The following SNX2 variants were observed in gnomAD, a reference collection of about 807,000 sequenced individuals.
The protein encoded by SNX2 is sorting nexin 2.
SNX2 carries 25 observed loss-of-function variants against 69.9 expected under a neutral mutation model. The ratio of observed to expected loss-of-function variants is 0.36; its 90% CI spans 0.26 to 0.50. The LOEUF (loss-of-function observed/expected upper bound fraction) is 0.50. Ranked by LOEUF, SNX2 falls within the 20% of genes least tolerant of loss-of-function variation. The pLI is 0.97. For synonymous variants in SNX2, 229 were observed against 200.4 expected (o/e 1.14, Z -1.20); for missense variants, 551 against 613.3 (o/e 0.90, Z 1.07).
In SNX2 at chr5:122,833,428, C is replaced by G. The variant is rs1024864972; in HGVS notation, c.*3780C>G. ...CAGCCAAATGTTAAAAAGTAAAAAA[C>G]AATTTTAATAATCCAGTAGCTCCAA... On this transcript the variant is annotated 3_prime_UTR_variant, in exon 15 of 15. Coordinates refer to ENST00000379516, the MANE Select transcript of SNX2 (RefSeq NM_003100.4). 6.6e-6 allele frequency: 1 copy of G among 152,044 alleles called. No homozygotes were observed. Among genetic ancestry groups the G allele is most frequent in the Non-Finnish European group, 1.5e-5 (1 of 67,966 alleles). 9.4% of individuals were successfully genotyped at this position (152,044 alleles called of 1,614,324 possible).
chr5:122,816,028 A>G (rs1753894407), intron 8 of SNX2, 57 bp downstream of exon 8: 1 of 909,522 alleles, frequency 1.1e-6, no homozygotes, highest in Admixed American at 2.1e-5. Context: ...TGTCATTGTA[A>G]TGTATATGAC....
chr5:122,820,083 T>C (rs376378485), intron 11 of SNX2, among the ~76,000 whole-genome samples: 1 of 152,224 alleles, frequency 6.6e-6, no homozygotes, highest in Non-Finnish European at 1.5e-5. Flanking sequence ...CTTCATTATA[T>C]ATAGGCAGCT....
intron 1 of SNX2, among the ~76,000 whole-genome samples, chr5:122,776,339 AC>A (rs1432374566): frequency 6.6e-6 from 1 of 151,684 alleles, no homozygotes; most frequent in East Asian, 1.9e-4. Context: ...TCCCACCCAA[AC>A]CCCACCTCCC....
chr5:122,833,416 A>G lies in SNX2; in HGVS notation c.*3768A>G, dbSNP rs1468817992. On this transcript the variant is annotated 3_prime_UTR_variant, in exon 15 of 15. Transcript: ENST00000379516. ...TAAAATTTTCTACAGCCAAATGTTA[A>G]AAAGTAAAAAACAATTTTAATAATC... 1 of 152,210 alleles carries G rather than the reference A, an allele frequency of 6.6e-6. No individual in the cohort carries two copies. The highest frequency in any genetic ancestry group is 1.9e-4 in the East Asian group (1 of 5,206). 9.4% of individuals were successfully genotyped at this position (152,210 alleles called of 1,614,324 possible). A position where few individuals can be genotyped will look rare whatever the true frequency, so the allele number is the denominator to read the frequency against.
chr5:122,820,699 A>G (rs1417393078), intron 11 of SNX2, among the ~76,000 whole-genome samples: 1 of 152,158 alleles, frequency 6.6e-6, no homozygotes, highest in South Asian at 2.1e-4. Context: ...TTACAGTTAT[A>G]TTCATGTTTT....
chr5:122,828,842 G>A (rs1475547184), intron 14 of SNX2, among the ~76,000 whole-genome samples: 1 of 152,168 alleles, frequency 6.6e-6, no homozygotes, highest in African/African-American at 2.4e-5. Flanking sequence ...ACATTGGCCG[G>A]GCGCAGCGGC....
intron 7 of SNX2, among the ~76,000 whole-genome samples, chr5:122,810,726 T>A (rs544770049): frequency 6.6e-6 from 1 of 152,302 alleles, no homozygotes; most frequent in South Asian, 2.1e-4. Flanking sequence ...ATAAAGACAC[T>A]TTCTTTACTG....
At chr5:122,789,964 G>A (rs369293606) in intron 1 of SNX2, among the ~76,000 whole-genome samples, 8 of 152,164 alleles carry the variant, frequency 5.3e-5, no homozygotes, top group African/African-American at 1.2e-4. Context: ...GCTGTGTAAC[G>A]CATTAGCAAC....
Position 122,830,976 on chromosome 5 carries a change from G to A in SNX2, c.*1328G>A, listed in dbSNP as rs1265594241. Among the ~76,000 whole-genome samples the A allele has an allele frequency of 2.5e-5, 3 of 120,104 alleles. No individual in the cohort carries two copies. Among genetic ancestry groups the A allele is most frequent in the South Asian group, 2.7e-4 (1 of 3,692 alleles). 78.8% of individuals were successfully genotyped at this position (120,104 alleles called of 152,430 possible). A position where few individuals can be genotyped will look rare whatever the true frequency, so the allele number is the denominator to read the frequency against. ...GTGAGCCAAGATCATGCCGTTGCAC[G>A]CCAGCCTAGGCAACAAAAGCAAAAC... On this transcript the variant is annotated 3_prime_UTR_variant, in exon 15 of 15. Coordinates refer to ENST00000379516, the MANE Select transcript of SNX2 (RefSeq NM_003100.4).
At chr5:122,807,149 G>T (rs536196618) in intron 6 of SNX2, among the ~76,000 whole-genome samples, 1 of 151,946 alleles carries the variant, frequency 6.6e-6, no homozygotes, top group Non-Finnish European at 1.5e-5. Context: ...GTGGTGGTGC[G>T]TGCTGGTGGT....
intron 5 of SNX2, among the ~76,000 whole-genome samples, chr5:122,803,207 T>C (rs919673038): frequency 2.0e-5 from 3 of 152,166 alleles, no homozygotes; most frequent in African/African-American, 7.2e-5. Context: ...GATGTAAAGA[T>C]TTAAGAATTA....
At chr5:122,784,507 T>C (rs375158345) in intron 1 of SNX2, among the ~76,000 whole-genome samples, 78 of 152,116 alleles carry the variant, frequency 5.1e-4, no homozygotes, top group African/African-American at 1.8e-3. Context: ...TATATTGATT[T>C]TTTTTTCTTT....
At chr5:122,795,504 A>C (rs1753356768) in intron 2 of SNX2, 121 bp downstream of exon 2, 2 of 658,058 alleles carry the variant, frequency 3.0e-6, no homozygotes, top group Non-Finnish European at 2.6e-6. Context: ...TCTTGTAACA[A>C]CTTAGAAGGA....
intron 2 of SNX2, among the ~76,000 whole-genome samples, chr5:122,796,924 G>C (rs1753393385): frequency 6.6e-6 from 1 of 151,660 alleles, no homozygotes; most frequent in Non-Finnish European, 1.5e-5. Flanking sequence ...AGCTTGGTTA[G>C]AAAAAAAATT....
At chr5:122,789,473 GGACAC>G (rs1753175173) in intron 1 of SNX2, among the ~76,000 whole-genome samples, 19 of 36,774 alleles carry the variant, frequency 5.2e-4, no homozygotes, top group Admixed American at 4.8e-3. Context: ...AGACACACAC[GGACAC>G]ACACACACAC....
rs569651751 is a variant in SNX2, at chr5:122,834,157, A to G, written c.*4509A>G. 2.0e-4 allele frequency: 31 copies of G among 152,338 alleles called. No homozygotes were observed. Among genetic ancestry groups the G allele is most frequent in the African/African-American group, 5.5e-4 (23 of 41,586 alleles). 9.4% of individuals were successfully genotyped at this position (152,338 alleles called of 1,614,324 possible). ...TCTGTTTTAATTATTAACATTTAGA[A>G]TTCTAGGAAATCTTTTGGGATACAG... On this transcript the variant is annotated 3_prime_UTR_variant, in exon 15 of 15. Coordinates refer to ENST00000379516, the MANE Select transcript of SNX2 (RefSeq NM_003100.4).
intron 1 of SNX2, among the ~76,000 whole-genome samples, chr5:122,790,783 G>A (rs1006319587): frequency 2.0e-5 from 3 of 152,292 alleles, no homozygotes; most frequent in Middle Eastern, 3.4e-3. Context: ...AAAATATCTG[G>A]ATTTCTGAAT....
intron 5 of SNX2, 31 bp downstream of exon 5, chr5:122,802,155 C>T (rs368303542): frequency 1.1e-4 from 172 of 1,586,054 alleles, no homozygotes; most frequent in Non-Finnish European, 1.1e-4. Context: ...AAAAAACTAT[C>T]GAGCCCTCAT....
intron 14 of SNX2, among the ~76,000 whole-genome samples, chr5:122,828,246 A>G (rs150981398): frequency 5.9e-5 from 9 of 152,302 alleles, no homozygotes; most frequent in Admixed American, 1.3e-4. Flanking sequence ...TTCCAGTTTT[A>G]AAATATGTGG....
Sources: gnomAD v4.1 joint callset for allele counts (sites outside exome capture counted in the v4.1 genomes callset) on GRCh38, gnomAD v4.1.1 for gene constraint, MANE v1.5 for transcripts, NCBI Gene and HGNC (gene_info 2026-07-23, HGNC 2026-07-21) for gene names.